The following CCNY variants were observed in gnomAD, a reference collection of about 807,000 sequenced individuals.
CCNY encodes cyclin Y.
In CCNY, 19 loss-of-function variants were observed where a neutral mutation model predicts 42.8. The observed-to-expected ratio is 0.44, with a 90% CI of 0.31 to 0.65. The LOEUF (loss-of-function observed/expected upper bound fraction) is 0.65, where lower values mean the gene tolerates loss of function less well. CCNY is among the 30% of genes least tolerant of loss of function. The pLI, the probability that CCNY is intolerant of heterozygous loss-of-function variation, is 0.07. For missense variants in CCNY, 370 were observed against 437.3 expected, an observed-to-expected ratio of 0.85 and a Z score of 1.37; for synonymous variants, 165 against 162.7, an observed-to-expected ratio of 1.01 and a Z score of -0.11.
intron 3 of CCNY, among the ~76,000 whole-genome samples, chr10:35,304,727 G>C (rs1835585967): frequency 6.6e-6 from 1 of 152,184 alleles, no homozygotes; most frequent in African/African-American, 2.4e-5. Context: ...CCTGTGCCTT[G>C]TAGGATGTTT....
rs540756202 is a variant in CCNY at position 35,494,237 on chromosome 10, C to G, written c.230-7264C>G. 7.4e-4 allele frequency among the ~76,000 whole-genome samples: 103 copies of G among 139,158 alleles called. 2 individuals are homozygous for G. Among genetic ancestry groups the G allele is most frequent in the African/African-American group, 2.2e-3 (83 of 37,474 alleles). The allele number at this position is 139,158 out of a possible 152,430, so 91.3% of individuals were successfully genotyped here. A position where few individuals can be genotyped will look rare whatever the true frequency, so the allele number is the denominator to read the frequency against. On this transcript the variant is annotated intron_variant, in intron 2 of 9. Coordinates refer to ENST00000374704, the MANE Select transcript of CCNY (RefSeq NM_145012.6). ...CCAGCCTGGACAGCATAGTGAGACCCCCCCCCCCATTTCTACAAAAAAATA... is the reference window on the plus strand; with the variant it reads ...CCAGCCTGGACAGCATAGTGAGACCGCCCCCCCCATTTCTACAAAAAAATA...
At chr10:35,446,248 AT>A (rs1564414165) in intron 1 of CCNY, among the ~76,000 whole-genome samples, 1 of 152,254 alleles carries the variant, frequency 6.6e-6, no homozygotes. Context: ...TAAATGTTCG[AT>A]TCCACAGTAC....
At chr10:35,551,588 AATTTC>A (rs61655419) in intron 7 of CCNY, among the ~76,000 whole-genome samples, 30,169 of 151,960 alleles carry the variant, frequency 0.2, 3,668 homozygotes, top group East Asian at 0.33. Flanking sequence ...CTGTAGTAGT[AATTTC>A]ATAGTTCAGA....
chr10:35,463,268 A>C (rs1467167459), intron 1 of CCNY, among the ~76,000 whole-genome samples: 1 of 152,234 alleles, frequency 6.6e-6, no homozygotes, highest in Non-Finnish European at 1.5e-5. Flanking sequence ...AGTGTCTGTG[A>C]GGATTAAATA....
At chr10:35,516,771 G>T (rs1840440286) in intron 4 of CCNY, 148 bp downstream of exon 4, 1 of 558,280 alleles carries the variant, frequency 1.8e-6, no homozygotes, top group Non-Finnish European at 3.1e-6. Context: ...AGATTGGATG[G>T]GTGGGAGTAG....
intron 3 of CCNY, among the ~76,000 whole-genome samples, chr10:35,282,114 CTTTTTTTTTTT>C (rs3066487): frequency 1.1e-5 from 1 of 87,884 alleles, no homozygotes; most frequent in Admixed American, 1.4e-4. Flanking sequence ...CATCTACACC[CTTTTTTTTTTT>C]TTTTTTTTTT....
chr10:35,251,299 C>T (rs2095711901), intron 3 of CCNY, among the ~76,000 whole-genome samples: 1 of 152,022 alleles, frequency 6.6e-6, no homozygotes, highest in African/African-American at 2.4e-5. Context: ...ATATTAAATT[C>T]CTTAGTGTTA....
chr10:35,342,201 T>TGTCCAATATGCA lies in CCNY; in HGVS notation c.154+4994_154+4995insGTCCAATATGCA, dbSNP rs1836196256. ...GGGCAATTTGAAATCTAAGTGCCTG[T>TGTCCAATATGCA]AGGATGAGCTTGCATATTGCTCTTG... On this transcript the variant is annotated intron_variant, in intron 1 of 9. Coordinates refer to ENST00000374704, the MANE Select transcript of CCNY (RefSeq NM_145012.6). 2.0e-5 allele frequency among the ~76,000 whole-genome samples: 3 copies of TGTCCAATATGCA among 152,228 alleles called. No individual in the cohort carries two copies. The South Asian group carries it at 6.2e-4, about 31-fold the overall frequency.
At chr10:35,401,336 TG>T (rs764475419) in intron 1 of CCNY, among the ~76,000 whole-genome samples, 18 of 152,188 alleles carry the variant, frequency 1.2e-4, no homozygotes, top group Non-Finnish European at 2.6e-4. Flanking sequence ...TCTGTCTGTC[TG>T]GTTAAATCAG....
intron 8 of CCNY, among the ~76,000 whole-genome samples, chr10:35,556,985 C>A (rs887035842): frequency 6.6e-6 from 1 of 151,958 alleles, no homozygotes; most frequent in Admixed American, 6.6e-5. Flanking sequence ...GCTGGGATTA[C>A]AGGCGCCCGC....
At chr10:35,356,441 GCCC>G (rs902364891) in intron 1 of CCNY, among the ~76,000 whole-genome samples, 1 of 152,180 alleles carries the variant, frequency 6.6e-6, no homozygotes, top group Non-Finnish European at 1.5e-5. Flanking sequence ...TCTGTTCCCA[GCCC>G]CCAATTCTCC....
upstream of CCNY, among the ~76,000 whole-genome samples, chr10:35,335,673 C>A (rs1035783188): frequency 2.0e-5 from 3 of 151,932 alleles, no homozygotes; most frequent in Non-Finnish European, 1.5e-5. Context: ...GGTTACGAAG[C>A]GAGATCCCAT....
At chr10:35,334,524 A>C (rs142808419), upstream of CCNY, among the ~76,000 whole-genome samples, 289 of 150,638 alleles carry the variant, frequency 1.9e-3, 1 homozygote, top group African/African-American at 6.6e-3. Flanking sequence ...GAAGCAGGAA[A>C]ATCTACACAG....
At chr10:35,454,119 G>T (rs1336636727) in intron 1 of CCNY, among the ~76,000 whole-genome samples, 6 of 152,152 alleles carry the variant, frequency 3.9e-5, no homozygotes, top group Non-Finnish European at 7.3e-5. Flanking sequence ...CCTGTGTGTG[G>T]GTGGGAATCT....
intron 1 of CCNY, among the ~76,000 whole-genome samples, chr10:35,463,872 A>G (rs560438115): frequency 6.6e-6 from 1 of 152,322 alleles, no homozygotes; most frequent in Non-Finnish European, 1.5e-5. Context: ...ACATTGACCT[A>G]CTTCCTGATC....
intron 7 of CCNY, among the ~76,000 whole-genome samples, chr10:35,540,190 T>C (rs1247649146): frequency 2.0e-5 from 3 of 152,228 alleles, no homozygotes; most frequent in Non-Finnish European, 2.9e-5. Context: ...TTAAATGTTC[T>C]GTGTGCTGTG....
At chr10:35,474,071 A>T (rs1839448633) in intron 1 of CCNY, among the ~76,000 whole-genome samples, 1 of 152,214 alleles carries the variant, frequency 6.6e-6, no homozygotes, top group South Asian at 2.1e-4. Context: ...TCCCACCCGA[A>T]TACTGCGCTT....
Position 35,336,522 on chromosome 10 carries a change from G to T in CCNY, c.-532G>T, listed in dbSNP as rs973660854. 1 of 149,036 alleles carries T rather than the reference G, an allele frequency of 6.7e-6. No homozygotes were observed. Among genetic ancestry groups the T allele is most frequent in the East Asian group, 2.0e-4 (1 of 5,074 alleles). The allele number at this position is 149,036 out of a possible 1,614,324, so 9.2% of individuals were successfully genotyped here. ...AGGGCCGCCAGCATCCTCCCTGGCC[G>T]CGCCGCACCGCGCCGCGAGGAGTCC... On this transcript the variant is annotated 5_prime_UTR_variant, in exon 1 of 10. Transcript: ENST00000374704.
At chr10:35,410,042 A>T (rs1303701781) in intron 1 of CCNY, among the ~76,000 whole-genome samples, 2 of 152,146 alleles carry the variant, frequency 1.3e-5, no homozygotes, top group African/African-American at 4.8e-5. Flanking sequence ...TGCACCAGCC[A>T]TGTGATTGTT....
Sources: allele counts gnomAD v4.1 joint callset (sites outside exome capture counted in the v4.1 genomes callset), GRCh38; gene constraint gnomAD v4.1.1; transcripts MANE v1.5; gene names NCBI Gene and HGNC (gene_info 2026-07-23, HGNC 2026-07-21).